The following EPC2 variants were observed in gnomAD, a reference collection of about 807,000 sequenced individuals.
The protein encoded by EPC2 is enhancer of polycomb 2, also known as enhancer of polycomb homolog 2.
Under a neutral mutation model 92.1 loss-of-function variants are expected in EPC2, and 14 were observed. That is an observed-to-expected ratio of 0.15 (90% CI 0.10 to 0.24). EPC2 has a LOEUF of 0.24. Among genes scored for constraint, EPC2 ranks in the 10% least tolerant of loss-of-function variants. EPC2 has a pLI of 1.00. For missense variants in EPC2, 755 were observed against 971.5 expected (o/e 0.78, Z 2.96); for synonymous variants, 340 against 334.7 (o/e 1.02, Z -0.17).
intron 1 of EPC2, among the ~76,000 whole-genome samples, chr2:148,654,915 T>G (rs1680759896): frequency 6.6e-6 from 1 of 152,110 alleles, no homozygotes; most frequent in Non-Finnish European, 1.5e-5. Context: ...AGATGATTAG[T>G]TAGTTATGGG....
chr2:148,720,829 A>C (rs1682355851), intron 2 of EPC2, among the ~76,000 whole-genome samples: 1 of 152,144 alleles, frequency 6.6e-6, no homozygotes, highest in Non-Finnish European at 1.5e-5. Context: ...GATAAGTCTC[A>C]ATGCGACTAC....
At chr2:148,738,919 G>T (rs568715237) in intron 2 of EPC2, among the ~76,000 whole-genome samples, 2 of 152,282 alleles carry the variant, frequency 1.3e-5, no homozygotes, top group East Asian at 3.9e-4. Flanking sequence ...AATGCTGGTT[G>T]GTCACTGAGA....
chr2:148,656,038 G>GGGT (rs1680791156), intron 1 of EPC2, among the ~76,000 whole-genome samples: 2 of 63,004 alleles, frequency 3.2e-5, no homozygotes, highest in Non-Finnish European at 6.1e-5. Flanking sequence ...GGGGGGGGGG[G>GGGT]TTATTCTAGA....
intron 2 of EPC2, among the ~76,000 whole-genome samples, chr2:148,726,605 G>GT (rs1170085155): frequency 6.6e-6 from 1 of 151,216 alleles, no homozygotes; most frequent in Non-Finnish European, 1.5e-5. Context: ...ATATCATTGT[G>GT]TTTTTTTGTT....
chr2:148,730,752 A>G (rs1268717392), intron 2 of EPC2, among the ~76,000 whole-genome samples: 1 of 152,198 alleles, frequency 6.6e-6, no homozygotes, highest in East Asian at 1.9e-4. Flanking sequence ...TTTTATTTAA[A>G]TACTTCTTAG....
intron 2 of EPC2, among the ~76,000 whole-genome samples, chr2:148,723,942 T>C (rs2105392768): frequency 6.6e-6 from 1 of 152,238 alleles, no homozygotes; most frequent in Non-Finnish European, 1.5e-5. Context: ...GTGGAATTTT[T>C]AGTGTTTTAA....
chr2:148,716,484 T>G (rs1682263816), intron 2 of EPC2, among the ~76,000 whole-genome samples: 1 of 152,218 alleles, frequency 6.6e-6, no homozygotes, highest in Non-Finnish European at 1.5e-5. Context: ...GAGATAATCA[T>G]GTATTTTTTT....
intron 2 of EPC2, among the ~76,000 whole-genome samples, chr2:148,700,554 T>C (rs990470706): frequency 6.6e-6 from 1 of 150,382 alleles, no homozygotes; most frequent in African/African-American, 2.4e-5. Flanking sequence ...ACTATATTTG[T>C]ATGGATCTGT....
chr2:148,755,215 G>C (rs1466449924), intron 4 of EPC2, among the ~76,000 whole-genome samples: 1 of 151,418 alleles, frequency 6.6e-6, no homozygotes, highest in African/African-American at 2.4e-5. Flanking sequence ...ACCCAGACTT[G>C]AGTTTTTAAT....
At chr2:148,726,752 TGTTTTG>T (rs368144139) in intron 2 of EPC2, among the ~76,000 whole-genome samples, 2 of 146,280 alleles carry the variant, frequency 1.4e-5, no homozygotes, top group Non-Finnish European at 1.5e-5. Context: ...GTTTTTTTTT[TGTTTTG>T]TTTTTTGTTT....
chr2:148,665,902 G>T (rs1681046824), intron 1 of EPC2, among the ~76,000 whole-genome samples: 1 of 152,168 alleles, frequency 6.6e-6, no homozygotes, highest in East Asian at 1.9e-4. Flanking sequence ...CTGTTTAGGT[G>T]ATAAATGTCT....
At chr2:148,663,357 C>G (rs2105356334) in intron 1 of EPC2, among the ~76,000 whole-genome samples, 1 of 150,756 alleles carries the variant, frequency 6.6e-6, no homozygotes, top group East Asian at 1.9e-4. Context: ...TAGCTGGGAC[C>G]ATAGGTGCCT....
At chr2:148,707,221 C>T (rs942167132) in intron 2 of EPC2, among the ~76,000 whole-genome samples, 1 of 152,098 alleles carries the variant, frequency 6.6e-6, no homozygotes, top group Non-Finnish European at 1.5e-5. Context: ...AAACAGACTT[C>T]ATACCAACAA....
In EPC2 at chr2:148,644,785, G is replaced by A. The variant is rs1275853388; in HGVS notation, c.-233G>A. Among the ~76,000 whole-genome samples the A allele has an allele frequency of 1.3e-5, 2 of 151,698 alleles. No homozygotes were observed. Among genetic ancestry groups the A allele is most frequent in the African/African-American group, 4.8e-5 (2 of 41,306 alleles). On this transcript the variant is annotated 5_prime_UTR_variant, in exon 1 of 14. Coordinates refer to ENST00000258484, the MANE Select transcript of EPC2 (RefSeq NM_015630.4). ...CGCCATGTTGGCCATGGCGCAGGGA[G>A]CGGATCGGGCGGGCGAGCGGCGGAT...
intron 11 of EPC2, among the ~76,000 whole-genome samples, chr2:148,782,855 G>A (rs950363888): frequency 5.9e-5 from 9 of 152,226 alleles, no homozygotes; most frequent in Middle Eastern, 6.8e-3. Context: ...AAGTTTTATT[G>A]CTCTATAATT....
chr2:148,772,373 C>G (rs12622873), intron 10 of EPC2, among the ~76,000 whole-genome samples: 15 of 152,060 alleles, frequency 9.9e-5, no homozygotes, highest in African/African-American at 3.6e-4. Context: ...GCTTGACTTA[C>G]ACTGTTGATA....
intron 7 of EPC2, among the ~76,000 whole-genome samples, chr2:148,768,035 A>G (rs926865309): frequency 2.0e-5 from 3 of 152,166 alleles, no homozygotes; most frequent in Non-Finnish European, 4.4e-5. Flanking sequence ...TGGTGGAGGT[A>G]TATTGGAACC....
chr2:148,685,508 C>G (rs915025772), intron 1 of EPC2, among the ~76,000 whole-genome samples: 5 of 152,194 alleles, frequency 3.3e-5, no homozygotes, highest in Admixed American at 3.3e-4. Context: ...CGCCTGTAAT[C>G]CCAGCACTTT....
chr2:148,693,999 C>T (rs1681691912), intron 2 of EPC2, among the ~76,000 whole-genome samples: 3 of 152,072 alleles, frequency 2.0e-5, no homozygotes, highest in Admixed American at 2.0e-4. Context: ...CTTTGAATTT[C>T]ACTGCCTAGT....
Sources: allele counts gnomAD v4.1 joint callset (sites outside exome capture counted in the v4.1 genomes callset), GRCh38; gene constraint gnomAD v4.1.1; transcripts MANE v1.5; gene names NCBI Gene and HGNC (gene_info 2026-07-23, HGNC 2026-07-21).